Variants in ZYX observed in about 807,000 individuals in gnomAD.
ZYX encodes the protein zyxin-2.
A neutral mutation model predicts 58.1 loss-of-function variants in ZYX; 37 were observed. That is an observed-to-expected ratio of 0.64 (90% CI 0.49 to 0.84). The LOEUF is 0.84. Among genes scored for constraint, ZYX ranks in the 40% least tolerant of loss-of-function variants. ZYX has a pLI of 0.00. For synonymous variants in ZYX, 324 were observed against 321.1 expected (o/e 1.01, Z -0.10); for missense variants, 762 against 761.6 (o/e 1.00, Z -0.01).
Position 143,381,787 on chromosome 7 carries a change from G to A in ZYX, c.208+8G>A. On this transcript the variant is annotated splice_region_variant and intron_variant, in intron 2 of 9. Coordinates refer to ENST00000322764, the MANE Select transcript of ZYX (RefSeq NM_003461.5). ...CCCCGCCGCCCCCGGAAGGTATGCG[G>A]CGGGGCTTGGGGAATGTACCCCGGC... The A allele has an allele frequency of 6.4e-7, 1 of 1,556,580 alleles. No homozygotes were observed. Among genetic ancestry groups the A allele is most frequent in the Admixed American group, 1.9e-5 (1 of 51,768 alleles).
Position 143,382,678 on chromosome 7 carries a change from A to C in ZYX, c.494A>C (p.Lys165Thr). ...LDDMTKNDPF[K>T]ARVSSGYVPP... ...GACATGACCAAGAATGATCCTTTCA[A>C]AGCCCGGGTAAGGGACCGGAGAGTA... The change falls in exon 4 of 10, where the codon AAA becomes ACA. Residue 165 changes from lysine to threonine, a missense_variant. Lys to Thr is a moderately conservative substitution (Grantham distance 78). Coordinates refer to ENST00000322764, the MANE Select transcript of ZYX (RefSeq NM_003461.5). 6.2e-7 allele frequency: 1 copy of C among 1,614,104 alleles called. No homozygotes were observed. Among genetic ancestry groups the C allele is most frequent in the Non-Finnish European group, 8.5e-7 (1 of 1,179,980 alleles).
At position 143,387,634 on chromosome 7, in the gene ZYX, G is replaced by A. The variant is rs569759496; in HGVS notation, c.1024-585G>A. On this transcript the variant is annotated intron_variant, in intron 5 of 9. Coordinates refer to ENST00000322764, the MANE Select transcript of ZYX (RefSeq NM_003461.5). The surrounding 1 kb of genome is among the most constrained non-coding windows in gnomAD (Gnocchi z 5.8). ...CTGAGGCTGCTGGGGAGGGACCTGAGTGAGGTAGTTCAGAGGCCCCTCACT... is the reference window on the plus strand; with the variant it reads ...CTGAGGCTGCTGGGGAGGGACCTGAATGAGGTAGTTCAGAGGCCCCTCACT... 82 of 463,450 alleles carry A rather than the reference G, an allele frequency of 1.8e-4. No homozygotes were observed. Among genetic ancestry groups the A allele is most frequent in the African/African-American group, 1.2e-3 (61 of 50,110 alleles). 28.7% of individuals were successfully genotyped at this position (463,450 alleles called of 1,614,324 possible).
At position 143,381,619 on chromosome 7, in the gene ZYX, T is replaced by C; in HGVS notation, c.48T>C (p.Ala16=). The C allele has an allele frequency of 6.2e-7, 1 of 1,612,192 alleles. No homozygotes were observed. The highest frequency in any genetic ancestry group is 8.5e-7 in the Non-Finnish European group (1 of 1,179,576). ...CCGCGATCTCCGTTTCGGTCTCGGC[T>C]CCGGCTTTTTACGCCCCGCAGAAGA... ...PSPAISVSVS[A]PAFYAPQKKF... Residue 16 remains alanine (A), a synonymous_variant, in exon 2 of 10, where the codon GCT becomes GCC. Coordinates refer to ENST00000322764, the MANE Select transcript of ZYX (RefSeq NM_003461.5).
intron 5 of ZYX, among the ~76,000 whole-genome samples, chr7:143,386,810 T>C (rs1255842759): frequency 2.0e-5 from 3 of 152,028 alleles, no homozygotes; most frequent in African/African-American, 7.3e-5. Context: ...TGGAGGTAAA[T>C]CTGAGGTCAA....
Position 143,391,041 on chromosome 7 carries a change from A to C in ZYX, c.*359A>C. The C allele has an allele frequency of 3.1e-6, 1 of 317,574 alleles. No homozygotes were observed. Among genetic ancestry groups the C allele is most frequent in the Non-Finnish European group, 5.9e-6 (1 of 169,538 alleles). 19.7% of individuals were successfully genotyped at this position (317,574 alleles called of 1,614,324 possible). ...GGAGGGCTGGGAGACCCTCCAGGAC[A>C]TTCCCACCCTCCCCCATGCTGCCAA... On this transcript the variant is annotated 3_prime_UTR_variant, in exon 10 of 10. Transcript: ENST00000322764.
In ZYX at chr7:143,388,771, C is replaced by T. The variant is rs1264544297; in HGVS notation, c.1319C>T (p.Thr440Ile). ...CTCCTCCTGCTGCCTCCTCAGGACA[C>T]CCTGGAGAAGTGTAACACCTGCGGG... ...APYCEGCYTD[T>I]LEKCNTCGEP... Residue 440 changes from threonine (T) to isoleucine (I), a missense_variant, in exon 8 of 10, where the codon ACC becomes ATC. Thr to Ile is a moderately conservative substitution (Grantham distance 89). Transcript: ENST00000322764. The surrounding 1 kb of genome is among the most constrained non-coding windows in gnomAD (Gnocchi z 7.5). The T allele has an allele frequency of 6.2e-7, 1 of 1,613,344 alleles. No homozygotes were observed. The highest frequency in any genetic ancestry group is 1.1e-5 in the South Asian group (1 of 91,002).
At position 143,388,504 on chromosome 7, in the gene ZYX, G is replaced by A. The variant is rs1306959872; in HGVS notation, c.1160G>A (p.Cys387Tyr). 20 of 1,610,020 alleles carry A rather than the reference G, an allele frequency of 1.2e-5. No individual in the cohort carries two copies. The highest frequency in any genetic ancestry group is 2.2e-5 in the East Asian group (1 of 44,850). ...NVAVNELCGR[C>Y]HQPLARAQPA... ...GCCTTCCCAGAACTCTGCGGCCGATGCCATCAACCCCTGGCCCGGGCGCAG... is the reference window on the plus strand; with the variant it reads ...GCCTTCCCAGAACTCTGCGGCCGATACCATCAACCCCTGGCCCGGGCGCAG... The change falls in exon 7 of 10, where the codon TGC (cysteine) becomes TAC (tyrosine). Residue 387 changes from cysteine to tyrosine, a missense_variant. Transcript: ENST00000322764. This position sits in a 1 kb window ranked among gnomAD's most constrained non-coding sequence, Gnocchi z 7.5.
chr7:143,385,152 C>G (rs969115864), intron 5 of ZYX, among the ~76,000 whole-genome samples: 5 of 152,066 alleles, frequency 3.3e-5, no homozygotes, highest in Non-Finnish European at 7.4e-5. Context: ...GGACTCAAGG[C>G]TAGAGATTAG....
Position 143,383,269 on chromosome 7 carries a change from C to G in ZYX, c.970C>G (p.Arg324Gly). Residue 324 changes from arginine (R) to glycine (G), a missense_variant, in exon 5 of 10, where the codon CGA (arginine) becomes GGA (glycine). Physicochemically the swap from Arg to Gly is moderately radical, Grantham distance 125. Coordinates refer to ENST00000322764, the MANE Select transcript of ZYX (RefSeq NM_003461.5). Reference protein sequence around the residue: ...FTYAQQREKPRVQEKQHPVPP... With the variant: ...FTYAQQREKPGVQEKQHPVPP... ...CTATGCCCAGCAGAGGGAGAAGCCC[C>G]GAGTGCAGGAGAAGCAGCACCCCGT... 1.2e-6 allele frequency: 2 copies of G among 1,613,718 alleles called. No homozygotes were observed. Among genetic ancestry groups the G allele is most frequent in the Non-Finnish European group, 1.7e-6 (2 of 1,179,936 alleles).
In ZYX at chr7:143,383,303, C is replaced by G. The variant is rs748856106; in HGVS notation, c.1004C>G (p.Pro335Arg). 9 of 1,606,398 alleles carry G rather than the reference C, an allele frequency of 5.6e-6. No individual in the cohort carries two copies. Among genetic ancestry groups the G allele is most frequent in the Non-Finnish European group, 6.8e-6 (8 of 1,176,858 alleles). ...GAGAAGCAGCACCCCGTGCCCCCAC[C>G]GGCTCAGAACCAAAACCAGGTGAGG... is the stretch of plus-strand genomic sequence containing the variant. ...VQEKQHPVPP[P>R]AQNQNQVRSP... The change falls in exon 5 of 10, where the codon CCG (proline) becomes CGG (arginine). Residue 335 changes from proline (P) to arginine (R), a missense_variant. Transcript: ENST00000322764.
In ZYX at chr7:143,383,032, G is replaced by T. The variant is rs368508771; in HGVS notation, c.733G>T (p.Val245Leu). The change falls in exon 5 of 10, where the codon GTG becomes TTG. Residue 245 changes from valine to leucine, a missense_variant. Physicochemically the swap from Val to Leu is conservative, Grantham distance 32. Coordinates refer to ENST00000322764, the MANE Select transcript of ZYX (RefSeq NM_003461.5). The stretch of plus-strand genomic sequence containing the variant: ...CCATGTCCAGTCCCAGACCCAGCCT[G>T]TGTCTTTGGCTAACACCCAGCCCCG... ...QLHVQSQTQP[V>L]SLANTQPRGP... The T allele has an allele frequency of 1.2e-6, 2 of 1,613,988 alleles. No individual in the cohort carries two copies. Among genetic ancestry groups the T allele is most frequent in the East Asian group, 2.2e-5 (1 of 44,890 alleles).
chr7:143,383,346 G>T lies in ZYX; in HGVS notation c.1023+24G>T, dbSNP rs771185494. On this transcript the variant is annotated intron_variant, in intron 5 of 9. Coordinates refer to ENST00000322764, the MANE Select transcript of ZYX (RefSeq NM_003461.5). ...AGGTGAGGGATGGTGATAGGACAAG[G>T]CTTGGTACCAGGGCACTGGGGCGGG... 7.3e-5 allele frequency: 115 copies of T among 1,571,684 alleles called. No individual in the cohort carries two copies. The South Asian group carries it at 1.3e-3, about 18-fold the overall frequency.
intron 2 of ZYX, 87 bp from the exon 3 acceptor site, chr7:143,382,161 G>T: frequency 8.9e-7 from 1 of 1,128,610 alleles, no homozygotes; most frequent in Non-Finnish European, 1.3e-6. Context: ...GAGAGTTCTT[G>T]GGTTAGGGGT....
chr7:143,384,046 CA>C lies in ZYX; in HGVS notation c.1023+728del, dbSNP rs1804769000. On this transcript the variant is annotated intron_variant, in intron 5 of 9. Coordinates refer to ENST00000322764, the MANE Select transcript of ZYX (RefSeq NM_003461.5). The surrounding 1 kb of genome is among the most constrained non-coding windows in gnomAD (Gnocchi z 4.9). ...GTTCTGTATCTAGTACAGGAATGCT[CA>C]AAATAGAAAAGCTGTAATTACAAAA... 1 of 398,572 alleles carries C rather than the reference CA, an allele frequency of 2.5e-6. No homozygotes were observed. The highest frequency in any genetic ancestry group is 5.1e-6 in the Non-Finnish European group (1 of 195,432). 24.7% of individuals were successfully genotyped at this position (398,572 alleles called of 1,614,324 possible).
chr7:143,389,740 C>T lies in ZYX; in HGVS notation c.1494-117C>T. On this transcript the variant is annotated intron_variant, in intron 8 of 9. Coordinates refer to ENST00000322764, the MANE Select transcript of ZYX (RefSeq NM_003461.5). This position sits in a 1 kb window ranked among gnomAD's most constrained non-coding sequence, Gnocchi z 5.6. ...TTAGGCCCTTCTGGTGAGCTTCCTT[C>T]ACCTGGAGATGCAGGGCAGAGAAGT... The T allele has an allele frequency of 8.2e-6, 12 of 1,460,242 alleles. No homozygotes were observed. Among genetic ancestry groups the T allele is most frequent in the Non-Finnish European group, 1.1e-5 (12 of 1,086,096 alleles). The allele number at this position is 1,460,242 out of a possible 1,614,324, so 90.5% of individuals were successfully genotyped here. A position where few individuals can be genotyped will look rare whatever the true frequency, so the allele number is the denominator to read the frequency against.
At chr7:143,385,472 AAG>A (rs1319193766) in intron 5 of ZYX, among the ~76,000 whole-genome samples, 1 of 151,106 alleles carries the variant, frequency 6.6e-6, no homozygotes, top group African/African-American at 2.4e-5. Context: ...GATTGTGTGA[AAG>A]TATGTGTATA....
intron 2 of ZYX, 23 bp from the exon 3 acceptor site, chr7:143,382,225 C>T (rs771979636): frequency 1.2e-6 from 2 of 1,606,200 alleles, no homozygotes; most frequent in African/African-American, 1.3e-5. Context: ...CCCCGGCCGA[C>T]GTCTTTCTCC....
rs1159793502 is a variant in ZYX at position 143,384,868 on chromosome 7, C to T, written c.1023+1546C>T. The stretch of plus-strand genomic sequence containing the variant: ...GGAAGAGGAGGGGTCCAGCTGTCAA[C>T]GTTTTGAGCAACAGGTCCCAGGAGG... On this transcript the variant is annotated intron_variant, in intron 5 of 9. Transcript: ENST00000322764. This position sits in a 1 kb window ranked among gnomAD's most constrained non-coding sequence, Gnocchi z 4.9. 4.6e-5 allele frequency among the ~76,000 whole-genome samples: 7 copies of T among 152,106 alleles called. No homozygotes were observed. The highest frequency in any genetic ancestry group is 1.3e-4 in the Admixed American group (2 of 15,270).
rs1035051505 is a variant in ZYX, at chr7:143,388,115, G to A, written c.1024-104G>A. 1 of 1,392,796 alleles carries A rather than the reference G, an allele frequency of 7.2e-7. No homozygotes were observed. The highest frequency in any genetic ancestry group is 9.7e-7 in the Non-Finnish European group (1 of 1,035,614). 86.3% of individuals were successfully genotyped at this position (1,392,796 alleles called of 1,614,324 possible). A position where few individuals can be genotyped will look rare whatever the true frequency, so the allele number is the denominator to read the frequency against. On this transcript the variant is annotated intron_variant, in intron 5 of 9. Transcript: ENST00000322764. The surrounding 1 kb of genome is among the most constrained non-coding windows in gnomAD (Gnocchi z 7.5). ...GGTCAAGCCTGAGCATCTGGGACAC[G>A]AGCTGGGAGCTAAGCCTCATCGGAA...
Sources: allele counts gnomAD v4.1 joint callset (sites outside exome capture counted in the v4.1 genomes callset), GRCh38; gene constraint gnomAD v4.1.1; non-coding constraint Gnocchi (gnomAD v3.1); transcripts MANE v1.5; gene names NCBI Gene and HGNC (gene_info 2026-07-23, HGNC 2026-07-21).